RAB27B: variants seen among roughly 807,000 people sequenced by gnomAD.
RAB27B encodes ras-related protein Rab-27B.
RAB27B carries 15 observed loss-of-function variants against 24.6 expected under a neutral mutation model. The observed-to-expected ratio is 0.61, with a 90% CI of 0.41 to 0.94. RAB27B has a LOEUF of 0.94. Among genes scored for constraint, RAB27B ranks in the 40% least tolerant of loss-of-function variants. The pLI, the probability that RAB27B is intolerant of heterozygous loss-of-function variation, is 0.00. For missense variants in RAB27B, 261 were observed against 266.8 expected (o/e 0.98, Z 0.15); for synonymous variants, 105 against 92.5 (o/e 1.14, Z -0.78).
intron 2 of RAB27B, among the ~76,000 whole-genome samples, chr18:54,738,790 T>C (rs1005567311): frequency 3.3e-5 from 5 of 152,188 alleles, no homozygotes; most frequent in African/African-American, 1.2e-4. Context: ...TACTTGAATG[T>C]TTTTCATGAA....
intron 2 of RAB27B, among the ~76,000 whole-genome samples, chr18:54,761,450 A>T (rs1009150802): frequency 6.6e-6 from 1 of 152,204 alleles, no homozygotes; most frequent in Non-Finnish European, 1.5e-5. Flanking sequence ...TTGAATTGCA[A>T]CAAAATATAC....
At chr18:54,792,934 A>G (rs1909298488) in intron 2 of RAB27B, among the ~76,000 whole-genome samples, 1 of 152,214 alleles carries the variant, frequency 6.6e-6, no homozygotes, top group African/African-American at 2.4e-5. Flanking sequence ...CCAGGATTCA[A>G]GTCCACAGTC....
chr18:54,729,987 T>G (rs975671915), intron 2 of RAB27B, among the ~76,000 whole-genome samples: 5 of 149,218 alleles, frequency 3.4e-5, no homozygotes, highest in Non-Finnish European at 7.4e-5. Context: ...TATAATTTGC[T>G]AAGGAAAGAT....
chr18:54,893,133 G>C lies in RAB27B; in HGVS notation c.*3720G>C, dbSNP rs868739536. On this transcript the variant is annotated 3_prime_UTR_variant, in exon 6 of 6. Coordinates refer to ENST00000262094, the MANE Select transcript of RAB27B (RefSeq NM_004163.4). ...TGAGTTAATCATAGTGTATAACCTT[G>C]TGTTCATGAAACAGGTTGTTCATTG... 2.2e-4 allele frequency: 34 copies of C among 152,096 alleles called. No homozygotes were observed. Among genetic ancestry groups the C allele is most frequent in the Middle Eastern group, 3.4e-3 (1 of 294 alleles). The allele number at this position is 152,096 out of a possible 1,614,324, so 9.4% of individuals were successfully genotyped here.
intron 2 of RAB27B, among the ~76,000 whole-genome samples, chr18:54,822,731 A>G (rs1421716666): frequency 6.6e-6 from 1 of 152,184 alleles, no homozygotes; most frequent in African/African-American, 2.4e-5. Context: ...TGATTAAACA[A>G]TGTTGTAATT....
intron 2 of RAB27B, among the ~76,000 whole-genome samples, chr18:54,790,729 T>G (rs1211604212): frequency 2.0e-5 from 3 of 152,210 alleles, no homozygotes; most frequent in Non-Finnish European, 4.4e-5. Flanking sequence ...AGAAAGCATA[T>G]GAGAATTTAG....
In RAB27B at chr18:54,862,883, C is replaced by T. The variant is rs573965481; in HGVS notation, c.-19-14684C>T. Among the ~76,000 whole-genome samples the T allele has an allele frequency of 3.3e-5, 5 of 152,338 alleles. 1 individual carries two copies. The highest frequency in any genetic ancestry group is 1.2e-4 in the African/African-American group (5 of 41,586). The stretch of plus-strand genomic sequence containing the variant: ...TGTTGGAACTTTGTCAAATAACAAA[C>T]ATTTCTATAAATCATAAATTACTTT... On this transcript the variant is annotated intron_variant, in intron 1 of 5. Coordinates refer to ENST00000262094, the MANE Select transcript of RAB27B (RefSeq NM_004163.4).
At chr18:54,881,272 T>A (rs1306312974) in intron 3 of RAB27B, among the ~76,000 whole-genome samples, 1 of 152,138 alleles carries the variant, frequency 6.6e-6, no homozygotes, top group Non-Finnish European at 1.5e-5. Flanking sequence ...TCTGTCTTTT[T>A]GTTCTGGCTT....
At chr18:54,788,925 A>T (rs1027617621) in intron 2 of RAB27B, among the ~76,000 whole-genome samples, 2 of 152,290 alleles carry the variant, frequency 1.3e-5, no homozygotes, top group Middle Eastern at 3.4e-3. Context: ...GGTCACTTGG[A>T]TGAAGAATAT....
chr18:54,886,840 T>C (rs1404632593), intron 4 of RAB27B, among the ~76,000 whole-genome samples: 1 of 152,132 alleles, frequency 6.6e-6, no homozygotes, highest in Non-Finnish European at 1.5e-5. Flanking sequence ...AGTTAGCCTT[T>C]CTTTGTCTTC....
intron 2 of RAB27B, among the ~76,000 whole-genome samples, chr18:54,799,343 A>G (rs1909522284): frequency 6.6e-6 from 1 of 152,208 alleles, no homozygotes; most frequent in Admixed American, 6.5e-5. Flanking sequence ...AGGAGAAACA[A>G]GTAAATCAAC....
chr18:54,882,764 T>C (rs887576415), intron 3 of RAB27B, among the ~76,000 whole-genome samples: 1 of 152,318 alleles, frequency 6.6e-6, no homozygotes, highest in Middle Eastern at 3.4e-3. Flanking sequence ...TGAAGTTGGA[T>C]AGATGAACAA....
chr18:54,870,998 CAT>C (rs1169605872), intron 1 of RAB27B, among the ~76,000 whole-genome samples: 1 of 152,062 alleles, frequency 6.6e-6, no homozygotes, highest in Non-Finnish European at 1.5e-5. Flanking sequence ...AAAGAATATT[CAT>C]ATAGTTTCAA....
At chr18:54,733,041 T>C (rs1022383515) in intron 2 of RAB27B, among the ~76,000 whole-genome samples, 2 of 151,934 alleles carry the variant, frequency 1.3e-5, no homozygotes, top group Non-Finnish European at 2.9e-5. Flanking sequence ...GTAAATGAAG[T>C]CTTTTTATTT....
At chr18:54,812,273 CCGGGTTCTCT>C (rs1909986474) in intron 2 of RAB27B, among the ~76,000 whole-genome samples, 1 of 143,096 alleles carries the variant, frequency 7.0e-6, no homozygotes, top group Non-Finnish European at 1.5e-5. Context: ...ATTTGAGTTT[CCGGGTTCTCT>C]TTTTTTGTTG....
At chr18:54,849,496 A>G (rs1221762555) in intron 1 of RAB27B, among the ~76,000 whole-genome samples, 1 of 152,180 alleles carries the variant, frequency 6.6e-6, no homozygotes, top group Admixed American at 6.5e-5. Context: ...GGGAGCGTGG[A>G]TCACTTGAGG....
chr18:54,769,549 T>C (rs1012163246), intron 2 of RAB27B, among the ~76,000 whole-genome samples: 2 of 152,190 alleles, frequency 1.3e-5, no homozygotes, highest in Non-Finnish European at 2.9e-5. Flanking sequence ...CTATTGGTTT[T>C]GTTAGCAGCA....
intron 1 of RAB27B, among the ~76,000 whole-genome samples, chr18:54,829,247 G>A (rs1218831241): frequency 6.6e-6 from 1 of 152,128 alleles, no homozygotes; most frequent in Non-Finnish European, 1.5e-5. Context: ...ACCAACTAGG[G>A]TATATGTGTG....
At chr18:54,835,247 C>T (rs559965436) in intron 1 of RAB27B, among the ~76,000 whole-genome samples, 1 of 151,922 alleles carries the variant, frequency 6.6e-6, no homozygotes, top group South Asian at 2.1e-4. Flanking sequence ...TTAAGAGGTG[C>T]CACATATTGA....
Sources: allele counts gnomAD v4.1 joint callset (sites outside exome capture counted in the v4.1 genomes callset), GRCh38; gene constraint gnomAD v4.1.1; transcripts MANE v1.5; gene names NCBI Gene and HGNC (gene_info 2026-07-23, HGNC 2026-07-21).